CNTNAP2: variants seen among roughly 807,000 people sequenced by gnomAD.
The protein encoded by CNTNAP2 is contactin-associated protein-like 2.
Under a neutral mutation model 155.2 loss-of-function variants are expected in CNTNAP2, and 98 were observed. The ratio of observed to expected loss-of-function variants is 0.63; its 90% CI spans 0.54 to 0.75. CNTNAP2 has a LOEUF of 0.75. Among genes scored for constraint, CNTNAP2 ranks in the 30% least tolerant of loss-of-function variants. The pLI is 0.00. For missense variants in CNTNAP2, 1,727 were observed against 1,688.1 expected (o/e 1.02, Z -0.40); for synonymous variants, 651 against 631.2 (o/e 1.03, Z -0.47).
At chr7:148,310,636 G>T (rs555061044) in intron 21 of CNTNAP2, among the ~76,000 whole-genome samples, 1 of 152,268 alleles carries the variant, frequency 6.6e-6, no homozygotes, top group East Asian at 1.9e-4. Flanking sequence ...TTGAATTTTG[G>T]GGGTAAGGAA....
At chr7:147,601,674 T>C (rs181339171) in intron 12 of CNTNAP2, among the ~76,000 whole-genome samples, 2,357 of 141,318 alleles carry the variant, frequency 0.017, 82 homozygotes, top group African/African-American at 0.059. Flanking sequence ...TATATATATA[T>C]ACACACCATC....
chr7:146,619,074 CAA>C (rs397974061), intron 1 of CNTNAP2, among the ~76,000 whole-genome samples: 11 of 85,732 alleles, frequency 1.3e-4, no homozygotes, highest in South Asian at 3.6e-4. Context: ...GACTTCATCT[CAA>C]AAAAAAAAAA....
chr7:146,173,733 T>C (rs1798428178), intron 1 of CNTNAP2, among the ~76,000 whole-genome samples: 1 of 152,210 alleles, frequency 6.6e-6, no homozygotes, highest in Non-Finnish European at 1.5e-5. Context: ...GTATGGTATG[T>C]CATATAGAGA....
chr7:148,314,164 T>C (rs1430233452), intron 21 of CNTNAP2, among the ~76,000 whole-genome samples: 1 of 151,744 alleles, frequency 6.6e-6, no homozygotes, highest in Non-Finnish European at 1.5e-5. Flanking sequence ...AAAGGAAGAT[T>C]AGAAAGACTC....
At chr7:147,421,680 C>T (rs1797293562) in intron 10 of CNTNAP2, among the ~76,000 whole-genome samples, 2 of 150,152 alleles carry the variant, frequency 1.3e-5, no homozygotes, top group Admixed American at 1.3e-4. Context: ...GGATATTTTT[C>T]CCCACCCAAA....
intron 15 of CNTNAP2, among the ~76,000 whole-genome samples, chr7:148,072,820 G>GC (rs1189473976): frequency 2.0e-5 from 3 of 152,156 alleles, no homozygotes; most frequent in Non-Finnish European, 2.9e-5. Context: ...CGATTCTCCT[G>GC]CCTCAGCCTC....
At chr7:147,204,613 A>G (rs1288421452) in intron 8 of CNTNAP2, among the ~76,000 whole-genome samples, 2 of 152,108 alleles carry the variant, frequency 1.3e-5, no homozygotes, top group African/African-American at 2.4e-5. Context: ...GTGTTTCTCA[A>G]TTTGGGTTTC....
chr7:147,209,791 G>C (rs889435219), intron 8 of CNTNAP2, among the ~76,000 whole-genome samples: 2 of 151,950 alleles, frequency 1.3e-5, no homozygotes, highest in African/African-American at 4.8e-5. Context: ...TTTCTATCAT[G>C]AAGGGATGTT....
intron 1 of CNTNAP2, among the ~76,000 whole-genome samples, chr7:146,457,342 T>G (rs1218359158): frequency 6.6e-6 from 1 of 151,526 alleles, no homozygotes; most frequent in East Asian, 1.9e-4. Flanking sequence ...TGTAATGTCA[T>G]CAAGGGACTG....
intron 8 of CNTNAP2, among the ~76,000 whole-genome samples, chr7:147,244,858 A>G (rs538475438): frequency 1.3e-5 from 2 of 152,336 alleles, no homozygotes; most frequent in Admixed American, 6.5e-5. Context: ...TCTCATATAG[A>G]AGATACTTAT....
intron 1 of CNTNAP2, among the ~76,000 whole-genome samples, chr7:146,597,652 T>C (rs1189121746): frequency 1.3e-5 from 2 of 152,106 alleles, no homozygotes; most frequent in Non-Finnish European, 2.9e-5. Flanking sequence ...ACACAACTTA[T>C]TTTGACTCCG....
At chr7:147,531,810 T>TC (rs1799435917) in intron 11 of CNTNAP2, among the ~76,000 whole-genome samples, 1 of 142,288 alleles carries the variant, frequency 7.0e-6, no homozygotes, top group Non-Finnish European at 1.6e-5. Context: ...TCTTTTCTTT[T>TC]TTTTTTTTTT....
intron 9 of CNTNAP2, among the ~76,000 whole-genome samples, chr7:147,329,585 G>A (rs996410616): frequency 2.1e-4 from 32 of 152,122 alleles, no homozygotes; most frequent in Non-Finnish European, 3.7e-4. Flanking sequence ...GCATGTAAGT[G>A]TGTAAGCATC....
chr7:148,406,791 T>C (rs1484796968), intron 22 of CNTNAP2, among the ~76,000 whole-genome samples: 1 of 152,266 alleles, frequency 6.6e-6, no homozygotes, highest in Non-Finnish European at 1.5e-5. Flanking sequence ...TATACATTCA[T>C]AACCAAATCT....
intron 1 of CNTNAP2, among the ~76,000 whole-genome samples, chr7:146,441,723 C>T (rs1417994209): frequency 6.6e-6 from 1 of 151,466 alleles, no homozygotes; most frequent in Admixed American, 6.6e-5. Context: ...CTCCTCTCAG[C>T]ATCGCCTCTC....
chr7:146,269,215 C>T (rs1800041975), intron 1 of CNTNAP2, among the ~76,000 whole-genome samples: 1 of 152,120 alleles, frequency 6.6e-6, no homozygotes, highest in Non-Finnish European at 1.5e-5. Context: ...TGGCACGCGC[C>T]TGTGGTCCCA....
At chr7:146,586,074 A>T (rs1342806416) in intron 1 of CNTNAP2, among the ~76,000 whole-genome samples, 1 of 152,104 alleles carries the variant, frequency 6.6e-6, no homozygotes, top group African/African-American at 2.4e-5. Flanking sequence ...GTAATTTCAC[A>T]CCTGTGGTAT....
rs1411535512 is a variant in CNTNAP2, at chr7:148,344,373, G to A, written c.3476-39276G>A. On this transcript the variant is annotated intron_variant, in intron 21 of 23. Coordinates refer to ENST00000361727, the MANE Select transcript of CNTNAP2 (RefSeq NM_014141.6). ...TGTGTCCGGGTCTCTGGGGTACACT[G>A]TGTGCTCCCCCATTCACTCCAGTCC... Among the ~76,000 whole-genome samples, 4 of 152,160 alleles carry A rather than the reference G, an allele frequency of 2.6e-5. No homozygotes were observed. The South Asian group carries it at 6.2e-4, about 24-fold the overall frequency.
chr7:147,416,411 A>G (rs1295784301), intron 10 of CNTNAP2, among the ~76,000 whole-genome samples: 1 of 152,200 alleles, frequency 6.6e-6, no homozygotes, highest in East Asian at 1.9e-4. Context: ...CATTGAGCCA[A>G]TAAAGTTCCT....
Sources: gnomAD v4.1 joint callset for allele counts (sites outside exome capture counted in the v4.1 genomes callset) on GRCh38, gnomAD v4.1.1 for gene constraint, MANE v1.5 for transcripts, NCBI Gene and HGNC (gene_info 2026-07-23, HGNC 2026-07-21) for gene names.